KALRN: variants seen among roughly 807,000 people sequenced by gnomAD.
KALRN encodes kalirin.
KALRN carries 70 observed loss-of-function variants against 353.7 expected under a neutral mutation model. The ratio of observed to expected loss-of-function variants is 0.20; its 90% confidence interval spans 0.16 to 0.24. The LOEUF (loss-of-function observed/expected upper bound fraction) is 0.24, where lower values mean the gene tolerates loss of function less well. Ranked by LOEUF, KALRN falls within the 10% of genes least tolerant of loss-of-function variation. The probability of loss-of-function intolerance (pLI) is 1.00; values close to 1 mark genes in which losing one functional copy is unlikely to be tolerated. For synonymous variants in KALRN, 1,391 were observed against 1,434.8 expected, an observed-to-expected ratio of 0.97 and a Z score of 0.69; for missense variants, 2,791 against 3,756.7, an observed-to-expected ratio of 0.74 and a Z score of 6.72.
At chr3:124,639,406 A>G (rs1471314483) in intron 37 of KALRN, among the ~76,000 whole-genome samples, 1 of 152,016 alleles carries the variant, frequency 6.6e-6, no homozygotes, top group Non-Finnish European at 1.5e-5. Flanking sequence ...CTCCCTAGCT[A>G]GATGGTAAGT....
chr3:124,392,720 T>G (rs1359272814), intron 11 of KALRN, among the ~76,000 whole-genome samples: 1 of 151,048 alleles, frequency 6.6e-6, no homozygotes, highest in African/African-American at 2.4e-5. Flanking sequence ...TTCTCCTGCC[T>G]CAGCCTCCCA....
chr3:124,298,666 G>C, intron 5 of KALRN, 125 bp from the exon 6 acceptor site: 2 of 1,134,456 alleles, frequency 1.8e-6, no homozygotes, highest in South Asian at 2.8e-5. Context: ...CCGAGACTCA[G>C]AACAATAACT....
chr3:124,231,710 TA>T (rs1354317618), intron 2 of KALRN, among the ~76,000 whole-genome samples: 14 of 122,338 alleles, frequency 1.1e-4, no homozygotes, highest in African/African-American at 3.8e-4. Flanking sequence ...TAAAGAACTT[TA>T]TTTTTTTTTT....
intron 33 of KALRN, among the ~76,000 whole-genome samples, chr3:124,549,390 C>T (rs1267269457): frequency 6.6e-6 from 1 of 151,626 alleles, no homozygotes; most frequent in Non-Finnish European, 1.5e-5. Context: ...CACAATCACA[C>T]ACACACACAC....
At chr3:124,230,872 CA>C (rs35463459) in intron 2 of KALRN, among the ~76,000 whole-genome samples, 13 of 129,002 alleles carry the variant, frequency 1.0e-4, no homozygotes, top group African/African-American at 1.2e-4. Flanking sequence ...AAAAAAAAAA[CA>C]AAAAAAAAAC....
intron 34 of KALRN, among the ~76,000 whole-genome samples, chr3:124,580,947 A>AAATAATAATAGTAATAATAAT (rs71145458): frequency 0.056 from 8,328 of 147,504 alleles, 321 homozygotes; most frequent in East Asian, 0.12. Flanking sequence ...GTCTCTATTA[A>AAATAATAATAGTAATAATAAT]AATAATAATA....
chr3:124,486,444 G>A (rs2062580542), intron 28 of KALRN, among the ~76,000 whole-genome samples: 2 of 152,112 alleles, frequency 1.3e-5, no homozygotes, highest in African/African-American at 4.8e-5. Context: ...TCTGAACAAG[G>A]GTGACGTTAT....
chr3:124,190,655 G>A (rs1382688775), intron 1 of KALRN, among the ~76,000 whole-genome samples: 1 of 152,220 alleles, frequency 6.6e-6, no homozygotes, highest in African/African-American at 2.4e-5. Flanking sequence ...GGTGGGAAAG[G>A]TGTATTAGGG....
chr3:124,106,663 A>T (rs2062341010), intron 1 of KALRN, among the ~76,000 whole-genome samples: 1 of 152,164 alleles, frequency 6.6e-6, no homozygotes, highest in Non-Finnish European at 1.5e-5. Flanking sequence ...AATAAGAAAG[A>T]TGAAGTTGGA....
At chr3:124,671,991 C>A in intron 48 of KALRN, 93 bp downstream of exon 48, 2 of 966,660 alleles carry the variant, frequency 2.1e-6, no homozygotes, top group South Asian at 1.5e-5. Flanking sequence ...GTCTGTCATC[C>A]AGGCTGGAGT....
rs149102031 is a variant in KALRN, at chr3:124,118,565, G to A, written c.73+84752G>A. On this transcript the variant is annotated intron_variant, in intron 1 of 59. Transcript: ENST00000682506. ...TCCACAGAAGCCCTCTGTCCCTCAC[G>A]TGGGCTCTGGAGATTCCTAAGACTT... 7.1e-4 allele frequency among the ~76,000 whole-genome samples: 108 copies of A among 152,270 alleles called. No homozygotes were observed. The South Asian group carries it at 0.014, about 20-fold the overall frequency.
At chr3:124,457,704 C>T (rs1483462266) in intron 23 of KALRN, among the ~76,000 whole-genome samples, 2 of 152,116 alleles carry the variant, frequency 1.3e-5, no homozygotes, top group African/African-American at 4.8e-5. Context: ...AGTAATTTTC[C>T]CCAAACCACA....
Position 124,258,105 on chromosome 3 carries a change from A to C in KALRN, c.264-6393A>C, listed in dbSNP as rs1210775961. Among the ~76,000 whole-genome samples the C allele has an allele frequency of 2.6e-5, 4 of 152,150 alleles. No homozygotes were observed. The East Asian group carries it at 7.7e-4, about 29-fold the overall frequency. ...TGGGGAAGAGGGCAGGCTGGGGAGC[A>C]GCTGCGGGAGTTGGTTGGCCAGAGA... On this transcript the variant is annotated intron_variant, in intron 3 of 59. Transcript: ENST00000682506.
At chr3:124,130,226 T>C (rs2065125132) in intron 1 of KALRN, among the ~76,000 whole-genome samples, 1 of 152,200 alleles carries the variant, frequency 6.6e-6, no homozygotes, top group South Asian at 2.1e-4. Flanking sequence ...GGGCTGCTGA[T>C]ACCTTAGTGA....
intron 5 of KALRN, among the ~76,000 whole-genome samples, chr3:124,270,840 T>TTG (rs202023554): frequency 4.8e-5 from 7 of 146,446 alleles, no homozygotes; most frequent in South Asian, 2.2e-4. Context: ...TTTTTTTTTT[T>TTG]TTTTTTTGAG....
In KALRN at chr3:124,718,922, C is replaced by G; in HGVS notation, c.8416-3C>G. 2 of 1,613,028 alleles carry G rather than the reference C, an allele frequency of 1.2e-6. No homozygotes were observed. Among genetic ancestry groups the G allele is most frequent in the Non-Finnish European group, 1.7e-6 (2 of 1,179,014 alleles). ...TTCTCCCTGCTTCCTTGGATCTCTG[C>G]AGCCTGAAAACCTGCTCATTGACCT... On this transcript the variant is annotated splice_region_variant and splice_polypyrimidine_tract_variant and intron_variant, in intron 59 of 59. Transcript: ENST00000682506.
At chr3:124,624,579 A>G (rs540714017) in intron 34 of KALRN, among the ~76,000 whole-genome samples, 32 of 152,330 alleles carry the variant, frequency 2.1e-4, no homozygotes, top group Non-Finnish European at 3.7e-4. Flanking sequence ...AATAACATCA[A>G]CGTGCTTATT....
intron 1 of KALRN, among the ~76,000 whole-genome samples, chr3:124,039,549 T>C (rs1004313484): frequency 6.6e-6 from 1 of 152,220 alleles, no homozygotes; most frequent in Non-Finnish European, 1.5e-5. Flanking sequence ...ATTCACTGTA[T>C]GATTTCTTAA....
At chr3:124,657,187 G>A (rs533442210) in intron 39 of KALRN, among the ~76,000 whole-genome samples, 2 of 152,290 alleles carry the variant, frequency 1.3e-5, no homozygotes, top group East Asian at 3.9e-4. Context: ...GAAGGAAGAG[G>A]GACAGCTTAT....
Sources: gnomAD v4.1 joint callset for allele counts (sites outside exome capture counted in the v4.1 genomes callset) on GRCh38, gnomAD v4.1.1 for gene constraint, MANE v1.5 for transcripts, NCBI Gene and HGNC (gene_info 2026-07-23, HGNC 2026-07-21) for gene names.